Variants in LRRN2 observed in about 807,000 individuals in gnomAD.
The protein encoded by LRRN2 is leucine-rich repeat neuronal protein 2.
In LRRN2, 10 loss-of-function variants were observed where a neutral mutation model predicts 35.7. That is an observed-to-expected ratio of 0.28 (90% CI 0.17 to 0.47). The LOEUF is 0.47. LRRN2 is among the 20% of genes least tolerant of loss of function. The pLI, the probability that LRRN2 is intolerant of heterozygous loss-of-function variation, is 0.99. For missense variants in LRRN2, 731 were observed against 940.3 expected, an observed-to-expected ratio of 0.78 and a Z score of 2.91; for synonymous variants, 391 against 409.6, an observed-to-expected ratio of 0.95 and a Z score of 0.55.
At position 204,619,916 on chromosome 1, in the gene LRRN2, T is replaced by G; in HGVS notation, c.77A>C (p.His26Pro). 6.2e-7 allele frequency: 1 copy of G among 1,613,784 alleles called. No homozygotes were observed. The highest frequency in any genetic ancestry group is 8.5e-7 in the Non-Finnish European group (1 of 1,179,984). Reference protein sequence around the residue: ...ATAAVPVVPWHVPCPPQCACQ... With the variant: ...ATAAVPVVPWPVPCPPQCACQ... ...GGCACACTGAGGGGGGCAGGGAACA[T>G]GCCAGGGTACCACGGGCACAGCGGC... is the stretch of plus-strand genomic sequence containing the variant. Residue 26 changes from histidine (H) to proline (P), a missense_variant, in exon 2 of 2, where the codon CAT becomes CCT. Transcript: ENST00000367177.
intron 1 of LRRN2, among the ~76,000 whole-genome samples, chr1:204,681,488 G>C (rs552112016): frequency 1.3e-5 from 2 of 152,186 alleles, no homozygotes; most frequent in Non-Finnish European, 2.9e-5. Context: ...AAACTGAGAC[G>C]AAGAGAGGTT....
chr1:204,630,070 C>T (rs1355005239), intron 1 of LRRN2, among the ~76,000 whole-genome samples: 3 of 152,206 alleles, frequency 2.0e-5, no homozygotes, highest in Non-Finnish European at 2.9e-5. Flanking sequence ...CAAATCTGCA[C>T]ATGGACCCCC....
intron 1 of LRRN2, among the ~76,000 whole-genome samples, chr1:204,622,614 T>G: frequency 1.3e-5 from 2 of 150,126 alleles, no homozygotes; most frequent in Admixed American, 6.6e-5. Flanking sequence ...TGTATGGGGG[T>G]CAGGAAGCAG....
At chr1:204,657,367 C>CACACACAT (rs6143580) in intron 1 of LRRN2, among the ~76,000 whole-genome samples, 6 of 147,242 alleles carry the variant, frequency 4.1e-5, no homozygotes, top group Non-Finnish European at 7.7e-5. Flanking sequence ...CACACACACA[C>CACACACAT]GCATATATAT....
At chr1:204,650,330 G>A (rs977834042) in intron 1 of LRRN2, among the ~76,000 whole-genome samples, 1 of 152,244 alleles carries the variant, frequency 6.6e-6, no homozygotes, top group Non-Finnish European at 1.5e-5. Context: ...GAAATTAATT[G>A]TTTGAAGTCC....
intron 1 of LRRN2, among the ~76,000 whole-genome samples, chr1:204,660,347 C>T (rs1463460811): frequency 6.6e-6 from 1 of 152,182 alleles, no homozygotes; most frequent in African/African-American, 2.4e-5. Flanking sequence ...CACTTTCTTT[C>T]TTTTCCTCCT....
intron 1 of LRRN2, among the ~76,000 whole-genome samples, chr1:204,634,924 C>CT (rs1667796047): frequency 6.6e-6 from 1 of 152,122 alleles, no homozygotes; most frequent in Admixed American, 6.5e-5. Flanking sequence ...AGTACTATCC[C>CT]TTTTTTACAG....
intron 1 of LRRN2, among the ~76,000 whole-genome samples, chr1:204,681,097 C>T (rs1668938278): frequency 6.6e-6 from 1 of 152,084 alleles, no homozygotes; most frequent in Non-Finnish European, 1.5e-5. Flanking sequence ...GCTGGGATTA[C>T]AGGTGTGTGC....
intron 1 of LRRN2, among the ~76,000 whole-genome samples, chr1:204,675,496 G>A (rs1464992280): frequency 1.3e-5 from 2 of 152,176 alleles, no homozygotes; most frequent in African/African-American, 4.8e-5. Context: ...CTGCCCACAG[G>A]CCCTGGCCCA....
At chr1:204,637,599 G>A (rs1667864735) in intron 1 of LRRN2, among the ~76,000 whole-genome samples, 1 of 151,570 alleles carries the variant, frequency 6.6e-6, no homozygotes, top group Admixed American at 6.6e-5. Context: ...TCTTAGCAAG[G>A]ATTAAATCCT....
intron 1 of LRRN2, among the ~76,000 whole-genome samples, chr1:204,678,072 C>T (rs540682920): frequency 1.2e-4 from 18 of 152,260 alleles, no homozygotes; most frequent in South Asian, 6.2e-4. Context: ...CTAAATCAGC[C>T]GCGCCCCCCT....
chr1:204,679,105 A>C (rs1668884432), intron 1 of LRRN2, among the ~76,000 whole-genome samples: 1 of 152,156 alleles, frequency 6.6e-6, no homozygotes, highest in African/African-American at 2.4e-5. Flanking sequence ...CTCGCAATGT[A>C]GATTCCACCA....
At chr1:204,662,266 T>C (rs1668488001) in intron 1 of LRRN2, among the ~76,000 whole-genome samples, 1 of 152,162 alleles carries the variant, frequency 6.6e-6, no homozygotes, top group Non-Finnish European at 1.5e-5. Context: ...TGTCCTTGAC[T>C]TGAGGGCCTG....
At chr1:204,657,270 A>G (rs1381700887) in intron 1 of LRRN2, among the ~76,000 whole-genome samples, 2 of 151,054 alleles carry the variant, frequency 1.3e-5, no homozygotes, top group African/African-American at 4.9e-5. Flanking sequence ...ACCCCATTGC[A>G]CTCCAGCCTA....
At chr1:204,677,254 C>T (rs1012524136) in intron 1 of LRRN2, among the ~76,000 whole-genome samples, 1 of 152,186 alleles carries the variant, frequency 6.6e-6, no homozygotes, top group Non-Finnish European at 1.5e-5. Context: ...TCAGCCTCTG[C>T]GTCTTCCAGG....
Position 204,685,332 on chromosome 1 carries a change from G to A in LRRN2, c.-239C>T, listed in dbSNP as rs1669048083. 2 of 151,718 alleles carry A rather than the reference G, an allele frequency of 1.3e-5. No individual in the cohort carries two copies. The highest frequency in any genetic ancestry group is 3.2e-3 in the Middle Eastern group (1 of 312). 9.4% of individuals were successfully genotyped at this position (151,718 alleles called of 1,614,324 possible). On this transcript the variant is annotated 5_prime_UTR_variant, in exon 1 of 2. Transcript: ENST00000367177. ...GCTGCACACTCACCCCGTGGGCGCC[G>A]GGCACCGTCTGCCGTCTGCTGCCCG... is the stretch of plus-strand genomic sequence containing the variant.
At chr1:204,639,678 T>C (rs1489951071) in intron 1 of LRRN2, among the ~76,000 whole-genome samples, 2 of 152,220 alleles carry the variant, frequency 1.3e-5, no homozygotes, top group Non-Finnish European at 1.5e-5. Context: ...TAATGACATA[T>C]GCCTTGTATA....
intron 1 of LRRN2, among the ~76,000 whole-genome samples, chr1:204,624,617 G>A (rs1222430326): frequency 3.3e-5 from 5 of 152,170 alleles, no homozygotes; most frequent in African/African-American, 7.2e-5. Context: ...TTTTGGAGAC[G>A]CTGTCACTAC....
At chr1:204,645,518 A>G (rs1190656816) in intron 1 of LRRN2, among the ~76,000 whole-genome samples, 1 of 152,190 alleles carries the variant, frequency 6.6e-6, no homozygotes, top group Non-Finnish European at 1.5e-5. Flanking sequence ...GCACTTTCTC[A>G]TATGTGTGAT....
Sources: gnomAD v4.1 joint callset for allele counts (sites outside exome capture counted in the v4.1 genomes callset) on GRCh38, gnomAD v4.1.1 for gene constraint, MANE v1.5 for transcripts, NCBI Gene and HGNC (gene_info 2026-07-23, HGNC 2026-07-21) for gene names.